The following CYB5B variants were observed in gnomAD, a reference collection of about 807,000 sequenced individuals.
CYB5B encodes the protein cytochrome b5 type B, also known as cytochrome b5 type B (outer mitochondrial membrane).
A neutral mutation model predicts 21.3 loss-of-function variants in CYB5B; 14 were observed. That is an observed-to-expected ratio of 0.66 (90% CI 0.43 to 1.03). CYB5B has a LOEUF of 1.03. CYB5B is among the 50% of genes least tolerant of loss of function. The probability of loss-of-function intolerance (pLI) is 0.00; values close to 1 mark genes in which losing one functional copy is unlikely to be tolerated. For missense variants in CYB5B, 166 were observed against 185.1 expected (o/e 0.90, Z 0.60); for synonymous variants, 69 against 68.4 (o/e 1.01, Z -0.04).
intron 1 of CYB5B, among the ~76,000 whole-genome samples, chr16:69,435,757 C>A (rs1272181054): frequency 6.6e-6 from 1 of 152,076 alleles, no homozygotes; most frequent in East Asian, 1.9e-4. Flanking sequence ...TCTGCCTCAG[C>A]CTCCCGAGTA....
intron 1 of CYB5B, among the ~76,000 whole-genome samples, chr16:69,427,151 G>A (rs571300064): frequency 3.9e-5 from 6 of 152,118 alleles, no homozygotes; most frequent in Admixed American, 2.6e-4. Flanking sequence ...TAGGAGAATC[G>A]CTTAAACCTG....
chr16:69,435,030 G>C (rs1039848501), intron 1 of CYB5B, among the ~76,000 whole-genome samples: 3 of 152,052 alleles, frequency 2.0e-5, no homozygotes, highest in African/African-American at 7.2e-5. Flanking sequence ...GTAAAATTGG[G>C]TTGTTTGTTA....
chr16:69,434,862 CAAAAAA>C (rs569014074), intron 1 of CYB5B, among the ~76,000 whole-genome samples: 32 of 116,644 alleles, frequency 2.7e-4, no homozygotes, highest in Non-Finnish European at 4.6e-4. Flanking sequence ...GACTTCATCT[CAAAAAA>C]AAAAAAAAAA....
chr16:69,452,927 A>T (rs2014950267), intron 3 of CYB5B, among the ~76,000 whole-genome samples: 1 of 150,270 alleles, frequency 6.7e-6, no homozygotes, highest in Non-Finnish European at 1.5e-5. Context: ...TGAACCCGGG[A>T]GGCGGAGGTT....
intron 1 of CYB5B, among the ~76,000 whole-genome samples, chr16:69,446,649 T>C (rs3942897): frequency 0.17 from 26,371 of 152,198 alleles, 2,407 homozygotes; most frequent in Middle Eastern, 0.25. Context: ...TTTGAAACAA[T>C]TTCAAAGTTA....
At chr16:69,444,928 CTT>C (rs1297009014) in intron 1 of CYB5B, among the ~76,000 whole-genome samples, 1 of 152,170 alleles carries the variant, frequency 6.6e-6, no homozygotes, top group African/African-American at 2.4e-5. Context: ...GAATATATAA[CTT>C]TTACTTAATA....
intron 1 of CYB5B, 47 bp downstream of exon 1, chr16:69,424,904 G>C: frequency 6.7e-7 from 1 of 1,495,340 alleles, no homozygotes; most frequent in African/African-American, 1.4e-5. Context: ...GGGGCGAGGG[G>C]TGAAAAGGCT....
intron 4 of CYB5B, among the ~76,000 whole-genome samples, chr16:69,461,149 G>C (rs1039465397): frequency 6.6e-6 from 1 of 151,310 alleles, no homozygotes; most frequent in African/African-American, 2.4e-5. Context: ...AGCTTGCAGT[G>C]AGCCAAGATC....
chr16:69,437,182 T>G (rs1484391523), intron 1 of CYB5B, among the ~76,000 whole-genome samples: 1 of 152,226 alleles, frequency 6.6e-6, no homozygotes. Flanking sequence ...TGTTTCATCT[T>G]TTTTGGCAGT....
chr16:69,453,886 A>G (rs1390938915), intron 3 of CYB5B, among the ~76,000 whole-genome samples: 1 of 152,124 alleles, frequency 6.6e-6, no homozygotes, highest in Non-Finnish European at 1.5e-5. Flanking sequence ...TTTCATATAC[A>G]CTTATATTTT....
intron 1 of CYB5B, among the ~76,000 whole-genome samples, chr16:69,432,130 AC>A (rs1440647426): frequency 6.6e-6 from 1 of 152,196 alleles, no homozygotes; most frequent in African/African-American, 2.4e-5. Flanking sequence ...GCTAGGCGGG[AC>A]CCAGGACATG....
intron 1 of CYB5B, among the ~76,000 whole-genome samples, chr16:69,425,726 C>G (rs2014637918): frequency 6.6e-6 from 1 of 152,170 alleles, no homozygotes; most frequent in Non-Finnish European, 1.5e-5. Context: ...TGCAGTCATT[C>G]TCTCCCAACC....
At chr16:69,455,821 A>C (rs2014978772) in intron 3 of CYB5B, among the ~76,000 whole-genome samples, 1 of 151,996 alleles carries the variant, frequency 6.6e-6, no homozygotes, top group South Asian at 2.1e-4. Flanking sequence ...AAATCTACTT[A>C]CGGTAGTGCT....
chr16:69,462,572 G>GACTT lies in CYB5B; in HGVS notation c.*53_*56dup. 6.8e-7 allele frequency: 1 copy of GACTT among 1,479,128 alleles called. No homozygotes were observed. Among genetic ancestry groups the GACTT allele is most frequent in the Non-Finnish European group, 9.4e-7 (1 of 1,061,002 alleles). The allele number at this position is 1,479,128 out of a possible 1,614,324, so 91.6% of individuals were successfully genotyped here. On this transcript the variant is annotated 3_prime_UTR_variant, in exon 5 of 5. Transcript: ENST00000307892. Reference sequence around the variant, plus strand: ...CATCCACTTTGGGGCGAAAACTAGAGACTTGCTTGGGGGCTGCAGAAGTGC... The same window carrying GACTT: ...CATCCACTTTGGGGCGAAAACTAGAGACTTACTTGCTTGGGGGCTGCAGAAGTGC...
In CYB5B at chr16:69,433,360, CTCCCATTGTTTGTGTA is replaced by C. The variant is rs1164001089; in HGVS notation, c.174+8508_174+8523del. Among the ~76,000 whole-genome samples the C allele has an allele frequency of 2.6e-5, 4 of 152,186 alleles. No homozygotes were observed. In the East Asian group the frequency reaches 7.7e-4, roughly 29 times the overall value. ...CAGTTTCACTGCCTCCTAAAGTTAA[CTCCCATTGTTTGTGTA>C]TCCCTCTAGTTTCTTTTTGCCTGTA... is the stretch of plus-strand genomic sequence containing the variant. On this transcript the variant is annotated intron_variant, in intron 1 of 4. Coordinates refer to ENST00000307892, the MANE Select transcript of CYB5B (RefSeq NM_030579.3).
At chr16:69,446,063 G>A (rs973161730) in intron 1 of CYB5B, among the ~76,000 whole-genome samples, 1 of 151,824 alleles carries the variant, frequency 6.6e-6, no homozygotes, top group Non-Finnish European at 1.5e-5. Context: ...TTTATGCATG[G>A]GTATAAATAT....
intron 1 of CYB5B, among the ~76,000 whole-genome samples, chr16:69,426,537 T>A (rs1249625252): frequency 6.7e-6 from 1 of 149,210 alleles, no homozygotes; most frequent in Non-Finnish European, 1.5e-5. Flanking sequence ...AAACCCCGAC[T>A]CTACTAAAAA....
Position 69,449,219 on chromosome 16 carries a change from A to T in CYB5B, c.333+1075A>T, listed in dbSNP as rs1320642326. The T allele has an allele frequency of 2.6e-5, 4 of 152,050 alleles. No homozygotes were observed. In the East Asian group the frequency reaches 7.7e-4, roughly 29 times the overall value. 9.4% of individuals were successfully genotyped at this position (152,050 alleles called of 1,614,324 possible). A position where few individuals can be genotyped will look rare whatever the true frequency, so the allele number is the denominator to read the frequency against. On this transcript the variant is annotated intron_variant, in intron 3 of 4. Transcript: ENST00000307892. ...TCCATTCTTGAATCCTTAAAAAAAAAAAATTAAATAGTTCAAAACAGTATT... is the reference window on the plus strand; with the variant it reads ...TCCATTCTTGAATCCTTAAAAAAAATAAATTAAATAGTTCAAAACAGTATT...
intron 3 of CYB5B, among the ~76,000 whole-genome samples, chr16:69,456,089 A>AT (rs1215337483): frequency 2.0e-5 from 3 of 152,122 alleles, no homozygotes; most frequent in Admixed American, 2.0e-4. Flanking sequence ...GTATTACAAA[A>AT]TATTTCCTTT....
Sources: gnomAD v4.1 joint callset for allele counts (sites outside exome capture counted in the v4.1 genomes callset) on GRCh38, gnomAD v4.1.1 for gene constraint, MANE v1.5 for transcripts, NCBI Gene and HGNC (gene_info 2026-07-23, HGNC 2026-07-21) for gene names.